Variants in UBR7 observed in about 807,000 individuals in gnomAD.
UBR7 encodes putative E3 ubiquitin-protein ligase UBR7.
UBR7 carries 22 observed loss-of-function variants against 57.0 expected under a neutral mutation model. That is an observed-to-expected ratio of 0.39 (90% CI 0.28 to 0.55). The LOEUF (loss-of-function observed/expected upper bound fraction) is 0.55, where lower values mean the gene tolerates loss of function less well. UBR7 is among the 20% of genes least tolerant of loss of function. UBR7 has a pLI of 0.69. For missense variants in UBR7, 395 were observed against 513.2 expected (o/e 0.77, Z 2.23); for synonymous variants, 167 against 179.8 (o/e 0.93, Z 0.57).
intron 10 of UBR7, among the ~76,000 whole-genome samples, chr14:93,226,634 C>CA (rs1215015144): frequency 3.3e-5 from 5 of 150,592 alleles, no homozygotes; most frequent in Admixed American, 6.6e-5. Context: ...ACTAAAAATA[C>CA]AAAAAAAAAT....
chr14:93,211,775 C>T (rs1656644785), intron 3 of UBR7, among the ~76,000 whole-genome samples: 1 of 151,798 alleles, frequency 6.6e-6, no homozygotes, highest in African/African-American at 2.4e-5. Context: ...TAACTTTTAT[C>T]TCCATTTTAT....
chr14:93,224,883 T>C (rs1894814691), intron 10 of UBR7, among the ~76,000 whole-genome samples: 1 of 152,146 alleles, frequency 6.6e-6, no homozygotes, highest in Non-Finnish European at 1.5e-5. Flanking sequence ...GCCCTCTTGA[T>C]GCTGGTGCTG....
chr14:93,220,631 T>C (rs1400736051), intron 9 of UBR7, among the ~76,000 whole-genome samples: 1 of 152,190 alleles, frequency 6.6e-6, no homozygotes, highest in African/African-American at 2.4e-5. Context: ...CCACAACATA[T>C]GCTATTCTGA....
chr14:93,207,350 T>G lies in UBR7; in HGVS notation c.59T>G (p.Leu20Trp), dbSNP rs1209467085. Reference sequence around the variant, plus strand: ...TCGGAGCTGGAGCCCGTGGTATCGTTGGTCGACGTCCTTGAGGAGGACGAG... The same window carrying G: ...TCGGAGCTGGAGCCCGTGGTATCGTGGGTCGACGTCCTTGAGGAGGACGAG... ...RQSELEPVVSLVDVLEEDEEL... is the reference protein window; with the variant it reads ...RQSELEPVVSWVDVLEEDEEL... The change falls in exon 1 of 11, where the codon TTG (leucine) becomes TGG (tryptophan). Residue 20 changes from leucine to tryptophan, a missense_variant. Coordinates refer to ENST00000013070, the MANE Select transcript of UBR7 (RefSeq NM_175748.4). 1.8e-5 allele frequency: 28 copies of G among 1,558,298 alleles called. No individual in the cohort carries two copies. Among genetic ancestry groups the G allele is most frequent in the Non-Finnish European group, 2.6e-6 (3 of 1,150,948 alleles).
At chr14:93,220,691 T>C (rs1380567383) in intron 9 of UBR7, among the ~76,000 whole-genome samples, 1 of 152,194 alleles carries the variant, frequency 6.6e-6, no homozygotes, top group African/African-American at 2.4e-5. Context: ...AAACAATTTT[T>C]GGACATTATG....
intron 6 of UBR7, among the ~76,000 whole-genome samples, chr14:93,216,244 C>G (rs1389020959): frequency 6.6e-6 from 1 of 152,178 alleles, no homozygotes; most frequent in Non-Finnish European, 1.5e-5. Context: ...CAGTGTTTCA[C>G]CATGTTGCCC....
rs906975421 is a variant in UBR7, at chr14:93,218,421, A to AT, written c.602-106_602-105insT. 730 of 1,029,094 alleles carry AT rather than the reference A, an allele frequency of 7.1e-4. 3 individuals are homozygous for AT. The highest frequency in any genetic ancestry group is 2.5e-3 in the South Asian group (166 of 66,472). 63.7% of individuals were successfully genotyped at this position (1,029,094 alleles called of 1,614,324 possible). ...GTGAGACTCTGTCTGTAAAAAAAAA[A>AT]AATAATAATAATAGAATAAGTGATT... On this transcript the variant is annotated intron_variant, in intron 6 of 10. Coordinates refer to ENST00000013070, the MANE Select transcript of UBR7 (RefSeq NM_175748.4).
Position 93,218,679 on chromosome 14 carries a change from A to G in UBR7, c.754A>G (p.Lys252Glu). The change falls in exon 7 of 11, where the codon AAA becomes GAA. Residue 252 changes from lysine (K) to glutamate (E), a missense_variant. Physicochemically the swap from Lys to Glu is moderately conservative, Grantham distance 56. Coordinates refer to ENST00000013070, the MANE Select transcript of UBR7 (RefSeq NM_175748.4). ...GGGAAAGGATGATGTCCGGGAGGTT[A>G]AAGTAGAGCAGAACAGTGAACCATG... Reference protein sequence around the residue: ...EQGKDDVREVKVEQNSEPCAG... With the variant: ...EQGKDDVREVEVEQNSEPCAG... 1.2e-6 allele frequency: 2 copies of G among 1,614,194 alleles called. No individual in the cohort carries two copies. Among genetic ancestry groups the G allele is most frequent in the Non-Finnish European group, 1.7e-6 (2 of 1,180,040 alleles).
chr14:93,211,828 A>C (rs544365143), intron 3 of UBR7, among the ~76,000 whole-genome samples: 13 of 152,156 alleles, frequency 8.5e-5, no homozygotes, highest in African/African-American at 1.9e-4. Context: ...ACAAAAAAAA[A>C]CAAAAAAAAA....
chr14:93,223,562 G>A, intron 10 of UBR7: 3 of 763,456 alleles, frequency 3.9e-6, no homozygotes, highest in South Asian at 1.5e-5. Context: ...GCGTTCCTGA[G>A]TTTATTTGGG....
intron 6 of UBR7, among the ~76,000 whole-genome samples, chr14:93,217,485 C>A (rs754872584): frequency 6.6e-6 from 1 of 152,178 alleles, no homozygotes; most frequent in African/African-American, 2.4e-5. Flanking sequence ...CTACACCCAT[C>A]ATTTTTTTTA....
intron 8 of UBR7, among the ~76,000 whole-genome samples, chr14:93,219,889 C>T (rs1025439718): frequency 5.3e-5 from 8 of 151,920 alleles, no homozygotes; most frequent in Admixed American, 2.6e-4. Context: ...GCAGGAGAAT[C>T]GCTTGAACCC....
rs1025637886 is a variant in UBR7, at chr14:93,228,975, T to A, written c.*1940T>A. 4.4e-6 allele frequency: 2 copies of A among 453,970 alleles called. No individual in the cohort carries two copies. The highest frequency in any genetic ancestry group is 8.8e-6 in the Non-Finnish European group (2 of 226,790). 28.1% of individuals were successfully genotyped at this position (453,970 alleles called of 1,614,324 possible). On this transcript the variant is annotated 3_prime_UTR_variant, in exon 11 of 11. Transcript: ENST00000013070. ...TTCACATTAACTGGAAACCTCTTTTTTTACCTGTTGTTCACAACTAGTTTT... is the reference window on the plus strand; with the variant it reads ...TTCACATTAACTGGAAACCTCTTTTATTACCTGTTGTTCACAACTAGTTTT...
chr14:93,210,552 A>T, intron 2 of UBR7, 96 bp from the exon 3 acceptor site: 2 of 1,027,024 alleles, frequency 1.9e-6, no homozygotes, highest in Non-Finnish European at 3.0e-6. Context: ...AATTTCCCGA[A>T]TTGTGAAGTC....
At chr14:93,211,372 C>CG (rs1379557806) in intron 3 of UBR7, among the ~76,000 whole-genome samples, 1 of 60,676 alleles carries the variant, frequency 1.6e-5, no homozygotes, top group Non-Finnish European at 2.7e-5. Context: ...CATGGTGAAA[C>CG]CCCCCCGTAC....
intron 9 of UBR7, 55 bp downstream of exon 9, chr14:93,220,466 A>G (rs1894683308): frequency 2.5e-6 from 4 of 1,602,310 alleles, no homozygotes; most frequent in Non-Finnish European, 3.4e-6. Flanking sequence ...GTAAAAAAAT[A>G]TAAAGGGGGC....
rs1894724900 is a variant in UBR7 at position 93,222,297 on chromosome 14, T to C, written c.1124-16T>C. 6.3e-7 allele frequency: 1 copy of C among 1,578,522 alleles called. No homozygotes were observed. The highest frequency in any genetic ancestry group is 2.2e-5 in the East Asian group (1 of 44,686). On this transcript the variant is annotated splice_polypyrimidine_tract_variant and intron_variant, in intron 9 of 10. Coordinates refer to ENST00000013070, the MANE Select transcript of UBR7 (RefSeq NM_175748.4). ...TGGTTTATCTAAACTTAAATACTTT[T>C]GTGGTTTTGATTTAGAATACAATGA...
intron 3 of UBR7, among the ~76,000 whole-genome samples, chr14:93,211,829 C>CA (rs951045219): frequency 3.8e-4 from 57 of 148,126 alleles, no homozygotes; most frequent in South Asian, 1.5e-3. Context: ...CAAAAAAAAA[C>CA]AAAAAAAAAT....
At chr14:93,209,744 T>C (rs2140097488) in intron 1 of UBR7, 80 bp from the exon 2 acceptor site, 1 of 1,519,326 alleles carries the variant, frequency 6.6e-7, no homozygotes, top group Non-Finnish European at 9.0e-7. Flanking sequence ...CTGATTTTAA[T>C]TATTTTTCAG....
Sources: allele counts gnomAD v4.1 joint callset (sites outside exome capture counted in the v4.1 genomes callset), GRCh38; gene constraint gnomAD v4.1.1; transcripts MANE v1.5; gene names NCBI Gene and HGNC (gene_info 2026-07-23, HGNC 2026-07-21).